MAP7: variants seen among roughly 807,000 people sequenced by gnomAD.
MAP7 encodes the protein microtubule associated protein 7, also known as ensconsin.
In MAP7, 52 loss-of-function variants were observed where a neutral mutation model predicts 94.8. The ratio of observed to expected loss-of-function variants is 0.55; its 90% CI spans 0.44 to 0.69. MAP7 has a LOEUF of 0.69. Ranked by LOEUF, MAP7 falls within the 30% of genes least tolerant of loss-of-function variation. The pLI is 0.00. For synonymous variants in MAP7, 350 were observed against 357.0 expected, an observed-to-expected ratio of 0.98 and a Z score of 0.22; for missense variants, 940 against 964.6, an observed-to-expected ratio of 0.97 and a Z score of 0.34.
chr6:136,376,812 C>T (rs550419565), intron 7 of MAP7, among the ~76,000 whole-genome samples: 9 of 152,300 alleles, frequency 5.9e-5, no homozygotes, highest in East Asian at 5.8e-4. Context: ...GAGATTTATT[C>T]GCTCATTGGG....
chr6:136,423,134 C>G (rs768895486), intron 1 of MAP7, among the ~76,000 whole-genome samples: 2 of 152,198 alleles, frequency 1.3e-5, no homozygotes, highest in African/African-American at 4.8e-5. Flanking sequence ...CCCTTTCTCC[C>G]AGCTTCTATG....
chr6:136,357,317 C>G (rs951963547), intron 15 of MAP7, among the ~76,000 whole-genome samples: 1 of 152,294 alleles, frequency 6.6e-6, no homozygotes, highest in South Asian at 2.1e-4. Context: ...CCTCATTATT[C>G]AAAGCTCAAT....
chr6:136,519,452 G>A (rs1402422063), intron 1 of MAP7, among the ~76,000 whole-genome samples: 1 of 152,150 alleles, frequency 6.6e-6, no homozygotes. Flanking sequence ...AGATATATGA[G>A]AATGATTCTA....
intron 1 of MAP7, among the ~76,000 whole-genome samples, chr6:136,456,849 GGAAGAAGAAGAAGAAGAA>G (rs1325119971): frequency 1.8e-4 from 13 of 72,412 alleles, no homozygotes; most frequent in Non-Finnish European, 3.0e-4. Flanking sequence ...AAGAAGAAGA[GGAAGAAGAAGAAGAAGAA>G]GAAGAAATAC....
chr6:136,510,063 G>A lies in MAP7; in HGVS notation c.67+40279C>T, dbSNP rs371377244. On this transcript the variant is annotated intron_variant, in intron 1 of 17. Coordinates refer to ENST00000354570, the MANE Select transcript of MAP7 (RefSeq NM_003980.6). ...CTAAGAATACAAAAATTAGCTAGGT[G>A]TGGTGGCGTGTGCCTGTAGTCCCTG... Among the ~76,000 whole-genome samples the A allele has an allele frequency of 1.4e-3, 217 of 152,292 alleles. 1 individual carries two copies. The highest frequency in any genetic ancestry group is 4.9e-3 in the African/African-American group (203 of 41,550).
intron 17 of MAP7, among the ~76,000 whole-genome samples, chr6:136,344,842 G>C (rs951343843): frequency 6.6e-6 from 1 of 152,166 alleles, no homozygotes; most frequent in Non-Finnish European, 1.5e-5. Context: ...CATTTGGATG[G>C]GTGGCTCACA....
chr6:136,467,846 C>T (rs910580688), intron 1 of MAP7, among the ~76,000 whole-genome samples: 1 of 152,132 alleles, frequency 6.6e-6, no homozygotes, highest in Non-Finnish European at 1.5e-5. Context: ...AAGGAAAACA[C>T]AATTTTTAGA....
intron 1 of MAP7, among the ~76,000 whole-genome samples, chr6:136,544,004 C>T (rs1299045691): frequency 1.3e-5 from 2 of 152,190 alleles, no homozygotes; most frequent in Non-Finnish European, 2.9e-5. Context: ...TCACTACACC[C>T]TCCGTCTCCC....
chr6:136,466,996 G>A (rs76614345), intron 1 of MAP7: 25,142 of 1,057,006 alleles, frequency 0.024, 367 homozygotes, highest in Non-Finnish European at 0.028. Flanking sequence ...AACAGTAACC[G>A]TGTTCACTGA....
chr6:136,521,139 T>C (rs1826294692), intron 1 of MAP7, among the ~76,000 whole-genome samples: 1 of 152,206 alleles, frequency 6.6e-6, no homozygotes, highest in Non-Finnish European at 1.5e-5. Context: ...CAAGGGTGGC[T>C]GTGTCTTCCA....
intron 5 of MAP7, among the ~76,000 whole-genome samples, chr6:136,385,584 G>A (rs1285688445): frequency 6.6e-6 from 1 of 152,174 alleles, no homozygotes; most frequent in Non-Finnish European, 1.5e-5. Context: ...TGGAAAAAAT[G>A]AGTTACAGTG....
At chr6:136,508,995 T>C (rs1368844063) in intron 1 of MAP7, among the ~76,000 whole-genome samples, 1 of 152,230 alleles carries the variant, frequency 6.6e-6, no homozygotes. Flanking sequence ...GAAATAGTAA[T>C]GGACTCATTC....
chr6:136,493,451 T>C (rs562085805), intron 1 of MAP7, among the ~76,000 whole-genome samples: 164 of 151,466 alleles, frequency 1.1e-3, no homozygotes, highest in Non-Finnish European at 1.9e-3. Context: ...GAGGTCTCAC[T>C]CTGTCCCCTA....
chr6:136,503,414 G>C (rs562285391), intron 1 of MAP7, among the ~76,000 whole-genome samples: 3 of 150,704 alleles, frequency 2.0e-5, no homozygotes, highest in East Asian at 1.9e-4. Context: ...AAAAAAGGGG[G>C]GTGGGGGAAG....
intron 1 of MAP7, among the ~76,000 whole-genome samples, chr6:136,489,814 T>G (rs549787324): frequency 6.6e-6 from 1 of 152,030 alleles, no homozygotes; most frequent in Non-Finnish European, 1.5e-5. Flanking sequence ...CAGGCGTGAG[T>G]CACCGCACCT....
At chr6:136,449,565 G>A (rs762908458) in intron 1 of MAP7, among the ~76,000 whole-genome samples, 3 of 152,176 alleles carry the variant, frequency 2.0e-5, no homozygotes, top group Non-Finnish European at 4.4e-5. Context: ...TTGAACAGCT[G>A]GCTGCTGTGA....
intron 1 of MAP7, among the ~76,000 whole-genome samples, chr6:136,446,795 C>T (rs12529791): frequency 0.016 from 2,418 of 152,276 alleles, 86 homozygotes; most frequent in East Asian, 0.14. Flanking sequence ...TAATCACCAA[C>T]TTTGGCATAT....
Position 136,343,895 on chromosome 6 carries a change from A to G in MAP7, c.*333T>C, listed in dbSNP as rs1787023326. On this transcript the variant is annotated 3_prime_UTR_variant, in exon 18 of 18. Transcript: ENST00000354570. ...ACATGTTAAGCTTTTAAGACCAAAA[A>G]AATCATGCCTAGTCAGCCCATTTCT... The G allele has an allele frequency of 5.6e-6, 1 of 179,158 alleles. No individual in the cohort carries two copies. The highest frequency in any genetic ancestry group is 2.0e-4 in the South Asian group (1 of 5,068). 11.1% of individuals were successfully genotyped at this position (179,158 alleles called of 1,614,324 possible). A position where few individuals can be genotyped will look rare whatever the true frequency, so the allele number is the denominator to read the frequency against.
intron 1 of MAP7, among the ~76,000 whole-genome samples, chr6:136,504,024 C>T (rs1410879293): frequency 6.6e-6 from 1 of 152,206 alleles, no homozygotes; most frequent in Non-Finnish European, 1.5e-5. Context: ...AGTCACACTA[C>T]AGAATTCTAG....
Sources: allele counts gnomAD v4.1 joint callset (sites outside exome capture counted in the v4.1 genomes callset), GRCh38; gene constraint gnomAD v4.1.1; transcripts MANE v1.5; gene names NCBI Gene and HGNC (gene_info 2026-07-23, HGNC 2026-07-21).